Variants in MSH3 observed in about 807,000 individuals in gnomAD.
MSH3 encodes mutS homolog 3, also known as DNA mismatch repair protein Msh3.
Under a neutral mutation model 123.3 loss-of-function variants are expected in MSH3, and 106 were observed. The ratio of observed to expected loss-of-function variants is 0.86; its 90% CI spans 0.73 to 1.01. The LOEUF (loss-of-function observed/expected upper bound fraction) is 1.01. Ranked by LOEUF, MSH3 falls within the 50% of genes least tolerant of loss-of-function variation. The probability of loss-of-function intolerance (pLI) is 0.00; values close to 1 mark genes in which losing one functional copy is unlikely to be tolerated. For synonymous variants in MSH3, 515 were observed against 481.4 expected (o/e 1.07, Z -0.91); for missense variants, 1,459 against 1,347.6 (o/e 1.08, Z -1.29).
chr5:80,816,071 A>T (rs1745098053), intron 20 of MSH3, among the ~76,000 whole-genome samples: 1 of 152,256 alleles, frequency 6.6e-6, no homozygotes, highest in Non-Finnish European at 1.5e-5. Context: ...TGGAGTATTT[A>T]TCCATTCATT....
chr5:80,763,174 A>G (rs1169768090), intron 13 of MSH3, among the ~76,000 whole-genome samples: 2 of 152,022 alleles, frequency 1.3e-5, no homozygotes, highest in South Asian at 2.1e-4. Context: ...GTTGTGACCA[A>G]TTTTTCATTA....
At chr5:80,839,194 C>A (rs888867) in intron 20 of MSH3, among the ~76,000 whole-genome samples, 23,979 of 151,984 alleles carry the variant, frequency 0.16, 1,992 homozygotes, top group East Asian at 0.24. Flanking sequence ...TACCGAAACC[C>A]CATCTCTACT....
chr5:80,673,015 A>G (rs1749757842), intron 6 of MSH3, among the ~76,000 whole-genome samples, 157 bp downstream of exon 6: 2 of 152,186 alleles, frequency 1.3e-5, no homozygotes, highest in African/African-American at 4.8e-5. Flanking sequence ...GTGCTATTCA[A>G]GAGGGAAGTA....
At chr5:80,674,902 A>C in intron 6 of MSH3, 81 bp from the exon 7 acceptor site, 1 of 1,232,024 alleles carries the variant, frequency 8.1e-7, no homozygotes, top group Non-Finnish European at 1.2e-6. Flanking sequence ...TTTAAAGGAG[A>C]AAATAGTTAA....
intron 8 of MSH3, among the ~76,000 whole-genome samples, chr5:80,705,329 A>C (rs1356678111): frequency 6.6e-6 from 1 of 152,164 alleles, no homozygotes; most frequent in Non-Finnish European, 1.5e-5. Context: ...CCGATGCCTG[A>C]GTTTTTGGCC....
chr5:80,681,875 C>G (rs2112821341), intron 8 of MSH3, among the ~76,000 whole-genome samples: 1 of 152,250 alleles, frequency 6.6e-6, no homozygotes, highest in African/African-American at 2.4e-5. Context: ...GATTTAAAAG[C>G]TTGAATTTGG....
chr5:80,836,263 T>C (rs1328832716), intron 20 of MSH3, among the ~76,000 whole-genome samples: 2 of 152,196 alleles, frequency 1.3e-5, no homozygotes, highest in South Asian at 2.1e-4. Flanking sequence ...GTGGATTGAG[T>C]AAGTTGTATT....
At chr5:80,864,735 AAAAG>A in intron 21 of MSH3, 74 bp from the exon 22 acceptor site, 1 of 1,374,368 alleles carries the variant, frequency 7.3e-7, no homozygotes, top group Non-Finnish European at 1.0e-6. Context: ...AAAATTTTTC[AAAAG>A]AAAGTGGAAG....
Position 80,660,082 on chromosome 5 carries a change from A to G in MSH3, c.358+3551A>G, listed in dbSNP as rs191063730. Among the ~76,000 whole-genome samples the G allele has an allele frequency of 3.2e-4, 49 of 152,254 alleles. No individual in the cohort carries two copies. In the East Asian group the frequency reaches 8.5e-3, roughly 26 times the overall value. The stretch of plus-strand genomic sequence containing the variant: ...TAAGAGATGCATAGTCCATTTTCAC[A>G]CTGCTGATAAAGACATACCAGAGAC... On this transcript the variant is annotated intron_variant, in intron 2 of 23. Transcript: ENST00000265081.
chr5:80,770,869 A>C (rs751601236), intron 15 of MSH3, among the ~76,000 whole-genome samples: 1 of 152,236 alleles, frequency 6.6e-6, no homozygotes, highest in Non-Finnish European at 1.5e-5. Flanking sequence ...TCAGGAATTC[A>C]TAAGAGATAG....
At chr5:80,708,600 C>T (rs977868843) in intron 8 of MSH3, among the ~76,000 whole-genome samples, 1 of 151,900 alleles carries the variant, frequency 6.6e-6, no homozygotes, top group Admixed American at 6.6e-5. Flanking sequence ...TACAGATTTT[C>T]TTGTGGAGAT....
intron 8 of MSH3, 71 bp from the exon 9 acceptor site, chr5:80,725,382 G>A (rs867899655): frequency 9.1e-5 from 92 of 1,015,306 alleles, no homozygotes; most frequent in Middle Eastern, 2.0e-4. Context: ...TCCTCTTCTG[G>A]CCAAGACCTA....
intron 13 of MSH3, 40 bp from the exon 14 acceptor site, chr5:80,767,893 G>A: frequency 2.7e-6 from 4 of 1,461,272 alleles, no homozygotes; most frequent in South Asian, 2.3e-5. Context: ...TCATTTTCAT[G>A]TATCTTATGC....
chr5:80,860,646 T>A (rs768899123), intron 21 of MSH3, among the ~76,000 whole-genome samples: 2 of 152,078 alleles, frequency 1.3e-5, no homozygotes, highest in African/African-American at 2.4e-5. Flanking sequence ...AGGTGTGGTT[T>A]TGGGGACATT....
intron 8 of MSH3, among the ~76,000 whole-genome samples, chr5:80,715,919 C>T (rs536882457): frequency 2.6e-5 from 4 of 152,256 alleles, no homozygotes; most frequent in African/African-American, 9.6e-5. Context: ...ACACAAATTC[C>T]AACCATATCA....
rs574753145 is a variant in MSH3 at position 80,768,037 on chromosome 5, G to A, written c.2001G>A (p.Leu667=). 1 of 1,613,742 alleles carries A rather than the reference G, an allele frequency of 6.2e-7. No individual in the cohort carries two copies. Among genetic ancestry groups the A allele is most frequent in the Middle Eastern group, 1.7e-4 (1 of 6,058 alleles). ...PAVNSHIQSD[L]LRTVILEIPE... ...TTAATTCCCACATTCAGTCAGACTT[G>A]CTCCGGACCGTTATTTTAGAAATTC... The change falls in exon 14 of 24, where the codon TTG becomes TTA. Residue 667 remains leucine (L), a synonymous_variant. Transcript: ENST00000265081.
At chr5:80,782,763 G>T (rs971100070) in intron 17 of MSH3, among the ~76,000 whole-genome samples, 1 of 152,102 alleles carries the variant, frequency 6.6e-6, no homozygotes, top group Non-Finnish European at 1.5e-5. Context: ...ATTTATTGAG[G>T]TACCAGATGG....
At chr5:80,846,917 T>C (rs1745733045) in intron 20 of MSH3, among the ~76,000 whole-genome samples, 2 of 152,112 alleles carry the variant, frequency 1.3e-5, no homozygotes, top group South Asian at 2.1e-4. Context: ...GTCCATAGGC[T>C]GCACCCACTG....
chr5:80,684,577 A>G (rs1181990354), intron 8 of MSH3, among the ~76,000 whole-genome samples: 2 of 152,032 alleles, frequency 1.3e-5, no homozygotes, highest in African/African-American at 4.8e-5. Context: ...GTTTTTTGGT[A>G]GTCTTTAGGT....
Sources: allele counts gnomAD v4.1 joint callset (sites outside exome capture counted in the v4.1 genomes callset), GRCh38; gene constraint gnomAD v4.1.1; transcripts MANE v1.5; gene names NCBI Gene and HGNC (gene_info 2026-07-23, HGNC 2026-07-21).